TRPM3: variants seen among roughly 807,000 people sequenced by gnomAD.
TRPM3 encodes transient receptor potential cation channel subfamily M member 3, also known as long transient receptor potential channel 3.
TRPM3 carries 77 observed loss-of-function variants against 181.2 expected under a neutral mutation model. The ratio of observed to expected loss-of-function variants is 0.42; its 90% CI spans 0.35 to 0.51. TRPM3 has a LOEUF of 0.51. Ranked by LOEUF, TRPM3 falls within the 20% of genes least tolerant of loss-of-function variation. The pLI is 0.01. For missense variants in TRPM3, 1,759 were observed against 2,196.7 expected (o/e 0.80, Z 3.98); for synonymous variants, 745 against 796.4 (o/e 0.94, Z 1.09).
intron 9 of TRPM3, among the ~76,000 whole-genome samples, chr9:70,658,848 A>T (rs2133897273): frequency 6.6e-6 from 1 of 152,178 alleles, no homozygotes; most frequent in East Asian, 1.9e-4. Context: ...CATGAATATC[A>T]AGCAGAACAG....
intron 8 of TRPM3, among the ~76,000 whole-genome samples, chr9:70,689,842 T>C (rs1432467413): frequency 1.3e-5 from 2 of 152,090 alleles, no homozygotes; most frequent in African/African-American, 4.8e-5. Flanking sequence ...GGGAAAAAAA[T>C]AGGCATATTC....
chr9:70,573,837 C>A (rs1442436709), intron 22 of TRPM3, among the ~76,000 whole-genome samples: 1 of 152,014 alleles, frequency 6.6e-6, no homozygotes, highest in Non-Finnish European at 1.5e-5. Context: ...CACTTTAGGG[C>A]AAACAGCCTG....
chr9:70,629,772 G>A (rs932655892), intron 12 of TRPM3, among the ~76,000 whole-genome samples: 2 of 152,222 alleles, frequency 1.3e-5, no homozygotes, highest in Non-Finnish European at 2.9e-5. Context: ...AATTTAACAA[G>A]TAATGTGTTT....
chr9:70,879,009 C>A (rs916616891), intron 1 of TRPM3, among the ~76,000 whole-genome samples: 1 of 152,082 alleles, frequency 6.6e-6, no homozygotes, highest in East Asian at 1.9e-4. Context: ...ATATGTCATA[C>A]ATTGGTCTAA....
chr9:71,286,564 C>A (rs11142780), intron 1 of TRPM3, among the ~76,000 whole-genome samples: 26,969 of 152,038 alleles, frequency 0.18, 2,626 homozygotes, highest in Non-Finnish European at 0.22. Flanking sequence ...TCACTGGAAT[C>A]AGGAAATAAC....
At chr9:70,838,758 C>T (rs1456299732) in intron 5 of TRPM3, among the ~76,000 whole-genome samples, 2 of 152,110 alleles carry the variant, frequency 1.3e-5, no homozygotes, top group Non-Finnish European at 2.9e-5. Context: ...TGTATGTTTT[C>T]AGGCCTAAGT....
At chr9:71,348,980 T>C (rs2091451958) in intron 1 of TRPM3, among the ~76,000 whole-genome samples, 1 of 152,242 alleles carries the variant, frequency 6.6e-6, no homozygotes, top group South Asian at 2.1e-4. Context: ...TCAGTTAAGT[T>C]AGCCAACATG....
intron 1 of TRPM3, among the ~76,000 whole-genome samples, chr9:71,014,558 T>A (rs1327622299): frequency 6.6e-6 from 1 of 152,142 alleles, no homozygotes; most frequent in Non-Finnish European, 1.5e-5. Context: ...TATTAATTAC[T>A]AAGGGCCTTC....
At chr9:71,425,339 A>G (rs1422117930) in intron 1 of TRPM3, among the ~76,000 whole-genome samples, 1 of 152,086 alleles carries the variant, frequency 6.6e-6, no homozygotes, top group Admixed American at 6.6e-5. Context: ...CAAAATCAGC[A>G]TGTTCAAAAC....
intron 3 of TRPM3, among the ~76,000 whole-genome samples, chr9:70,862,226 G>A (rs2095540462): frequency 6.6e-6 from 1 of 152,198 alleles, no homozygotes; most frequent in Admixed American, 6.5e-5. Flanking sequence ...CATAACACAT[G>A]CTAGACAAAT....
At position 70,553,151 on chromosome 9, in the gene TRPM3, C is replaced by T; in HGVS notation, c.3374+9G>A. On this transcript the variant is annotated intron_variant, in intron 23 of 25. Coordinates refer to ENST00000677713, the MANE Select transcript of TRPM3 (RefSeq NM_001366145.2). ...CATCCATCCCACGTGCTCCAAAGGA[C>T]CCACTTACTTAAAGACAGCAATGAG... The T allele has an allele frequency of 2.5e-6, 4 of 1,614,176 alleles. No homozygotes were observed. The highest frequency in any genetic ancestry group is 3.4e-6 in the Non-Finnish European group (4 of 1,180,030).
At chr9:70,697,679 T>C (rs2070985545) in intron 8 of TRPM3, among the ~76,000 whole-genome samples, 1 of 152,206 alleles carries the variant, frequency 6.6e-6, no homozygotes, top group Non-Finnish European at 1.5e-5. Flanking sequence ...GTTTTTACTG[T>C]TGCATGTCAC....
chr9:71,061,013 G>T lies in TRPM3; in HGVS notation c.177+60165C>A, dbSNP rs559120058. On this transcript the variant is annotated intron_variant, in intron 1 of 25. Transcript: ENST00000677713. ...AAAAGTGGGTCTTTATATCATCTGG[G>T]TCTTTATCCCTCTAAAAAGAGGGTC... 3.1e-3 allele frequency among the ~76,000 whole-genome samples: 474 copies of T among 152,166 alleles called. 7 individuals are homozygous for T. The highest frequency in any genetic ancestry group is 0.014 in the Middle Eastern group (4 of 294).
At chr9:71,147,177 C>A (rs910693279) in intron 1 of TRPM3, among the ~76,000 whole-genome samples, 11 of 152,056 alleles carry the variant, frequency 7.2e-5, no homozygotes, top group African/African-American at 2.4e-4. Flanking sequence ...TCACTTGCAA[C>A]CTACAGTGAA....
chr9:70,876,635 G>A (rs994266170), intron 1 of TRPM3, among the ~76,000 whole-genome samples: 2 of 151,600 alleles, frequency 1.3e-5, no homozygotes, highest in African/African-American at 2.4e-5. Flanking sequence ...CCTCCTCTCT[G>A]TTTTCCCACC....
intron 25 of TRPM3, 24 bp from the exon 26 acceptor site, chr9:70,537,429 A>G (rs760514848): frequency 7.0e-7 from 1 of 1,427,502 alleles, no homozygotes; most frequent in South Asian, 1.8e-5. Flanking sequence ...AGAGAATGAG[A>G]GTCACTCGGC....
intron 1 of TRPM3, among the ~76,000 whole-genome samples, chr9:70,920,901 G>T (rs1340067338): frequency 6.6e-6 from 1 of 152,026 alleles, no homozygotes; most frequent in East Asian, 1.9e-4. Flanking sequence ...TCAAATACCG[G>T]TTGCATACTC....
chr9:70,838,724 A>G (rs1048996076), intron 5 of TRPM3, among the ~76,000 whole-genome samples: 1 of 152,176 alleles, frequency 6.6e-6, no homozygotes, highest in Non-Finnish European at 1.5e-5. Flanking sequence ...ACAGAGGTGG[A>G]GCCAACCTCA....
chr9:70,701,525 A>G (rs1306090579), intron 8 of TRPM3, among the ~76,000 whole-genome samples: 2 of 152,134 alleles, frequency 1.3e-5, no homozygotes, highest in African/African-American at 4.8e-5. Flanking sequence ...TCTCATATCA[A>G]TGTCAGGCTT....
Sources: gnomAD v4.1 joint callset for allele counts (sites outside exome capture counted in the v4.1 genomes callset) on GRCh38, gnomAD v4.1.1 for gene constraint, MANE v1.5 for transcripts, NCBI Gene and HGNC (gene_info 2026-07-23, HGNC 2026-07-21) for gene names.